The following UBAC2 variants were observed in gnomAD, a reference collection of about 807,000 sequenced individuals.
The protein encoded by UBAC2 is UBA domain containing 2.
A neutral mutation model predicts 44.0 loss-of-function variants in UBAC2; 26 were observed. That is an observed-to-expected ratio of 0.59 (90% CI 0.43 to 0.82). The LOEUF is 0.82. Ranked by LOEUF, UBAC2 falls within the 40% of genes least tolerant of loss-of-function variation. UBAC2 has a pLI of 0.00. For synonymous variants in UBAC2, 155 were observed against 154.3 expected, an observed-to-expected ratio of 1.00 and a Z score of -0.04; for missense variants, 329 against 419.4, an observed-to-expected ratio of 0.78 and a Z score of 1.88.
intron 4 of UBAC2, among the ~76,000 whole-genome samples, chr13:99,280,331 C>G (rs2043935677): frequency 1.3e-5 from 2 of 152,234 alleles, no homozygotes; most frequent in Admixed American, 6.5e-5. Flanking sequence ...TACTGCCTGT[C>G]ACGCATACAT....
intron 4 of UBAC2, among the ~76,000 whole-genome samples, chr13:99,263,332 A>G (rs2043695080): frequency 6.6e-6 from 1 of 152,240 alleles, no homozygotes; most frequent in Non-Finnish European, 1.5e-5. Context: ...GATCTCTGCC[A>G]TTCCATGGCC....
chr13:99,200,905 G>T lies in UBAC2; in HGVS notation c.-4G>T, dbSNP rs1389942161. 5 of 1,304,902 alleles carry T rather than the reference G, an allele frequency of 3.8e-6. No homozygotes were observed. Among genetic ancestry groups the T allele is most frequent in the Non-Finnish European group, 4.9e-6 (5 of 1,018,656 alleles). The allele number at this position is 1,304,902 out of a possible 1,614,324, so 80.8% of individuals were successfully genotyped here. A position where few individuals can be genotyped will look rare whatever the true frequency, so the allele number is the denominator to read the frequency against. The stretch of plus-strand genomic sequence containing the variant: ...CCCTCTGGGGCTCCGAGCCCGGCGG[G>T]ACCATGTTCACCAGCACCGGCTCCA... On this transcript the variant is annotated 5_prime_UTR_variant, in exon 1 of 9. Coordinates refer to ENST00000403766, the MANE Select transcript of UBAC2 (RefSeq NM_001144072.2).
At chr13:99,351,026 T>C (rs1566516712) in intron 7 of UBAC2, among the ~76,000 whole-genome samples, 2 of 152,180 alleles carry the variant, frequency 1.3e-5, no homozygotes, top group Non-Finnish European at 2.9e-5. Context: ...TTCAGAGCCA[T>C]GCTCACAATA....
In UBAC2 at chr13:99,367,912, T is replaced by G. The variant is rs1196822011; in HGVS notation, c.927+6T>G. ...TAGAAGTTTCTGAGGAACAGGTAAT[T>G]AATCAGTAATACCTGGTACTCATTC... On this transcript the variant is annotated splice_donor_region_variant and intron_variant, in intron 8 of 8. Transcript: ENST00000403766. 1 of 1,613,396 alleles carries G rather than the reference T, an allele frequency of 6.2e-7. No homozygotes were observed. The highest frequency in any genetic ancestry group is 1.7e-5 in the Admixed American group (1 of 59,908).
intron 7 of UBAC2, among the ~76,000 whole-genome samples, chr13:99,349,880 A>G (rs2045054296): frequency 6.6e-6 from 1 of 152,134 alleles, no homozygotes; most frequent in Non-Finnish European, 1.5e-5. Flanking sequence ...TCCCACAAGA[A>G]GGTGGTGGAG....
intron 2 of UBAC2, 140 bp from the exon 3 acceptor site, chr13:99,243,692 T>G: frequency 1.4e-6 from 1 of 711,268 alleles, no homozygotes; most frequent in Non-Finnish European, 2.3e-6. Context: ...AACATACATA[T>G]ATAGTTTTCC....
At chr13:99,349,208 G>T (rs546113592) in intron 7 of UBAC2, among the ~76,000 whole-genome samples, 1 of 152,250 alleles carries the variant, frequency 6.6e-6, no homozygotes, top group African/African-American at 2.4e-5. Flanking sequence ...ACAGCTTCAC[G>T]GTGCATGTCT....
chr13:99,343,852 A>G (rs2044931211), intron 7 of UBAC2, among the ~76,000 whole-genome samples: 1 of 152,236 alleles, frequency 6.6e-6, no homozygotes, highest in Admixed American at 6.5e-5. Context: ...GTGTGCATGC[A>G]CGAGTACCGT....
At chr13:99,346,559 T>C (rs1334577364) in intron 7 of UBAC2, among the ~76,000 whole-genome samples, 1 of 152,214 alleles carries the variant, frequency 6.6e-6, no homozygotes, top group Non-Finnish European at 1.5e-5. Flanking sequence ...AGTCTCACCT[T>C]TACATCTTCC....
chr13:99,324,042 C>G (rs1002716394), intron 6 of UBAC2, among the ~76,000 whole-genome samples: 1 of 152,206 alleles, frequency 6.6e-6, no homozygotes, highest in African/African-American at 2.4e-5. Context: ...ACCCCTGTCA[C>G]TTCTGTGAAC....
intron 7 of UBAC2, among the ~76,000 whole-genome samples, chr13:99,357,336 C>T (rs1271866072): frequency 2.0e-5 from 3 of 152,202 alleles, no homozygotes; most frequent in South Asian, 2.1e-4. Flanking sequence ...TTAAGCGACA[C>T]GTGACTACAG....
intron 1 of UBAC2, among the ~76,000 whole-genome samples, chr13:99,203,614 A>G (rs1419445764): frequency 6.6e-6 from 1 of 152,240 alleles, no homozygotes; most frequent in African/African-American, 2.4e-5. Context: ...GTTGATATAC[A>G]GAGGATAAAG....
intron 1 of UBAC2, among the ~76,000 whole-genome samples, chr13:99,230,963 C>T (rs963166827): frequency 2.0e-5 from 3 of 151,996 alleles, no homozygotes; most frequent in Non-Finnish European, 4.4e-5. Context: ...GCAGGAGAAT[C>T]GCTAAACCCG....
chr13:99,321,996 C>A (rs1435082776), intron 6 of UBAC2, among the ~76,000 whole-genome samples: 3 of 152,116 alleles, frequency 2.0e-5, no homozygotes, highest in Non-Finnish European at 2.9e-5. Flanking sequence ...TTTGTGTTAC[C>A]TTTTTCCTCA....
intron 4 of UBAC2, chr13:99,296,180 A>T (rs778913464): frequency 2.0e-5 from 31 of 1,531,840 alleles, no homozygotes; most frequent in Middle Eastern, 1.8e-4. Context: ...AAAAACCAAG[A>T]AGGATCATAT....
chr13:99,213,602 C>T (rs759808461), intron 1 of UBAC2, among the ~76,000 whole-genome samples: 5 of 151,424 alleles, frequency 3.3e-5, no homozygotes, highest in South Asian at 2.1e-4. Flanking sequence ...TCAGGTGATC[C>T]GCACGACTCA....
intron 4 of UBAC2, among the ~76,000 whole-genome samples, chr13:99,264,281 A>C (rs2043710242): frequency 6.6e-6 from 1 of 152,236 alleles, no homozygotes; most frequent in Admixed American, 6.5e-5. Context: ...TCCTGTTAGC[A>C]GGAAGCCAGG....
intron 1 of UBAC2, among the ~76,000 whole-genome samples, chr13:99,237,261 T>TAC (rs1319391523): frequency 1.5e-4 from 13 of 86,650 alleles, no homozygotes; most frequent in Non-Finnish European, 2.1e-4. Flanking sequence ...TGCGTATATA[T>TAC]ATATATATAT....
intron 7 of UBAC2, among the ~76,000 whole-genome samples, chr13:99,362,350 C>T (rs2045276411): frequency 6.6e-6 from 1 of 152,208 alleles, no homozygotes; most frequent in Admixed American, 6.5e-5. Context: ...AGAAGATCCT[C>T]ATACATGACC....
Sources: allele counts gnomAD v4.1 joint callset (sites outside exome capture counted in the v4.1 genomes callset), GRCh38; gene constraint gnomAD v4.1.1; transcripts MANE v1.5; gene names NCBI Gene and HGNC (gene_info 2026-07-23, HGNC 2026-07-21).